TMEM51: variants seen among roughly 807,000 people sequenced by gnomAD.
TMEM51 encodes the protein transmembrane protein 51.
In TMEM51, 8 loss-of-function variants were observed where a neutral mutation model predicts 13.6. That is an observed-to-expected ratio of 0.59 (90% CI 0.35 to 1.07). The LOEUF (loss-of-function observed/expected upper bound fraction) is 1.07, where lower values mean the gene tolerates loss of function less well. TMEM51 is among the 50% of genes least tolerant of loss of function. The probability of loss-of-function intolerance (pLI) is 0.02; values close to 1 mark genes in which losing one functional copy is unlikely to be tolerated. For missense variants in TMEM51, 279 were observed against 330.7 expected (o/e 0.84, Z 1.21); for synonymous variants, 147 against 144.4 (o/e 1.02, Z -0.13).
chr1:15,174,078 C>T (rs1316358120), intron 1 of TMEM51, among the ~76,000 whole-genome samples: 5 of 152,068 alleles, frequency 3.3e-5, no homozygotes, highest in Non-Finnish European at 4.4e-5. Flanking sequence ...TTTGCAGTTC[C>T]GCTGGAAGGA....
chr1:15,216,950 C>T (rs1268365949), intron 3 of TMEM51, among the ~76,000 whole-genome samples: 4 of 152,030 alleles, frequency 2.6e-5, no homozygotes, highest in Non-Finnish European at 4.4e-5. Flanking sequence ...TAGAAGGATT[C>T]GGGATGTTTT....
intron 1 of TMEM51, among the ~76,000 whole-genome samples, chr1:15,187,868 C>G (rs181395868): frequency 2.8e-3 from 433 of 152,282 alleles, no homozygotes; most frequent in Admixed American, 5.0e-3. Context: ...ATAAAACCCT[C>G]AGAGCCTGAC....
At chr1:15,208,761 A>G (rs12093268) in intron 1 of TMEM51, among the ~76,000 whole-genome samples, 13,096 of 152,092 alleles carry the variant, frequency 0.086, 684 homozygotes, top group Middle Eastern at 0.12. Flanking sequence ...GCAGAAAGGA[A>G]ACCACTGAGG....
At chr1:15,202,925 T>C (rs1644183782) in intron 1 of TMEM51, among the ~76,000 whole-genome samples, 1 of 152,156 alleles carries the variant, frequency 6.6e-6, no homozygotes, top group Non-Finnish European at 1.5e-5. Context: ...TGAATGGCCT[T>C]CAGTTAGTCT....
At chr1:15,209,621 G>A (rs1282801577) in intron 1 of TMEM51, among the ~76,000 whole-genome samples, 2 of 152,148 alleles carry the variant, frequency 1.3e-5, no homozygotes, top group African/African-American at 4.8e-5. Context: ...TGCTGCGTAC[G>A]TAATACTCCA....
At chr1:15,173,155 A>G (rs1643346602) in intron 1 of TMEM51, among the ~76,000 whole-genome samples, 1 of 151,398 alleles carries the variant, frequency 6.6e-6, no homozygotes, top group African/African-American at 2.4e-5. Flanking sequence ...GGAGTAGGTC[A>G]GATGGGCCCA....
chr1:15,166,625 A>G (rs1643007365), intron 1 of TMEM51, among the ~76,000 whole-genome samples: 1 of 152,114 alleles, frequency 6.6e-6, no homozygotes, highest in Admixed American at 6.6e-5. Context: ...AGGCTAAGGC[A>G]GGAGAACCCC....
At chr1:15,216,347 A>G (rs757214364) in intron 3 of TMEM51, among the ~76,000 whole-genome samples, 2 of 152,256 alleles carry the variant, frequency 1.3e-5, no homozygotes, top group Non-Finnish European at 2.9e-5. Context: ...AATATGTAAG[A>G]TGAATATACC....
In TMEM51 at chr1:15,211,108, G is replaced by A. The variant is rs539871202; in HGVS notation, c.-194+546G>A. Among the ~76,000 whole-genome samples, 6 of 152,288 alleles carry A rather than the reference G, an allele frequency of 3.9e-5. No individual in the cohort carries two copies. In the South Asian group the frequency reaches 1.2e-3, roughly 32 times the overall value. On this transcript the variant is annotated intron_variant, in intron 2 of 3. Coordinates refer to ENST00000376008, the MANE Select transcript of TMEM51 (RefSeq NM_001136218.2). ...TAAGAAAAAGAAAATGAAAATCATGGTGAATCCCATCACACACAGAAAATA... is the reference window on the plus strand; with the variant it reads ...TAAGAAAAAGAAAATGAAAATCATGATGAATCCCATCACACACAGAAAATA...
intron 1 of TMEM51, among the ~76,000 whole-genome samples, chr1:15,183,490 A>G (rs570871174): frequency 6.6e-6 from 1 of 152,350 alleles, no homozygotes; most frequent in Admixed American, 6.5e-5. Flanking sequence ...CGTACATGGT[A>G]TCTATCTCGC....
At chr1:15,157,044 T>G (rs931428555) in intron 1 of TMEM51, among the ~76,000 whole-genome samples, 1 of 152,196 alleles carries the variant, frequency 6.6e-6, no homozygotes, top group African/African-American at 2.4e-5. Context: ...TCCTGGGAGC[T>G]CTTGCTCCTG....
chr1:15,201,484 A>G (rs1303768574), intron 1 of TMEM51, among the ~76,000 whole-genome samples: 2 of 151,670 alleles, frequency 1.3e-5, no homozygotes, highest in Non-Finnish European at 2.9e-5. Context: ...CATGTAAGGC[A>G]CCCAGCACTG....
upstream of TMEM51, among the ~76,000 whole-genome samples, chr1:15,153,253 A>G (rs376873368): frequency 4.0e-4 from 61 of 152,298 alleles, no homozygotes; most frequent in East Asian, 0.011. Flanking sequence ...GTATCCCGCC[A>G]GGTAAAGGCG....
At chr1:15,163,292 C>G (rs1642856402) in intron 1 of TMEM51, among the ~76,000 whole-genome samples, 1 of 152,020 alleles carries the variant, frequency 6.6e-6, no homozygotes, top group South Asian at 2.1e-4. Context: ...AATCTTTGCC[C>G]CTTCCCTATG....
intron 1 of TMEM51, among the ~76,000 whole-genome samples, chr1:15,155,227 C>T (rs1642548383): frequency 6.7e-6 from 1 of 149,136 alleles, no homozygotes; most frequent in Non-Finnish European, 1.5e-5. Context: ...TCGGAGCTGA[C>T]AGCTCTCTGA....
At chr1:15,166,713 T>G (rs1042396703) in intron 1 of TMEM51, among the ~76,000 whole-genome samples, 5 of 152,088 alleles carry the variant, frequency 3.3e-5, no homozygotes, top group Non-Finnish European at 7.4e-5. Context: ...AGTGAGACTC[T>G]ATCTCAAAAA....
intron 1 of TMEM51, chr1:15,164,470 G>A (rs1301085116): frequency 1.1e-5 from 5 of 455,956 alleles, no homozygotes; most frequent in Non-Finnish European, 2.2e-5. Flanking sequence ...TCCTACAAAG[G>A]TGAAGTGTGC....
chr1:15,177,428 G>T (rs534425227), intron 1 of TMEM51, among the ~76,000 whole-genome samples: 1 of 152,104 alleles, frequency 6.6e-6, no homozygotes, highest in Non-Finnish European at 1.5e-5. Flanking sequence ...TAGGGAAGTC[G>T]GGAGGAACCA....
intron 1 of TMEM51, among the ~76,000 whole-genome samples, chr1:15,201,018 G>A (rs1395861212): frequency 6.6e-6 from 1 of 152,218 alleles, no homozygotes; most frequent in Non-Finnish European, 1.5e-5. Context: ...GCACCTGCCA[G>A]CACGCAGGCT....
Sources: allele counts gnomAD v4.1 joint callset (sites outside exome capture counted in the v4.1 genomes callset), GRCh38; gene constraint gnomAD v4.1.1; transcripts MANE v1.5; gene names NCBI Gene and HGNC (gene_info 2026-07-23, HGNC 2026-07-21).